Variants in ANKHD1 observed in about 807,000 individuals in gnomAD.
The protein encoded by ANKHD1 is ankyrin repeat and KH domain containing 1.
ANKHD1 carries 31 observed loss-of-function variants against 230.5 expected under a neutral mutation model. The ratio of observed to expected loss-of-function variants is 0.13; its 90% CI spans 0.10 to 0.18. The LOEUF is 0.18. ANKHD1 is among the 10% of genes least tolerant of loss of function. ANKHD1 has a pLI of 1.00. For missense variants in ANKHD1, 2,256 were observed against 3,071.3 expected (o/e 0.73, Z 6.27); for synonymous variants, 1,074 against 1,117.6 (o/e 0.96, Z 0.78).
intron 24 of ANKHD1, among the ~76,000 whole-genome samples, chr5:140,522,453 A>G (rs993322071): frequency 1.3e-5 from 2 of 152,168 alleles, no homozygotes; most frequent in Non-Finnish European, 2.9e-5. Context: ...TTCTCTCTTT[A>G]GCTTACTACG....
In ANKHD1 at chr5:140,401,861, G is replaced by A. The variant is rs912459693; in HGVS notation, c.-107G>A. ...GAGAAGTTAGTGGCGCTGCTGGGACGGGGGAAAGGAGACGCTTCTTCCTCT... is the reference window on the plus strand; with the variant it reads ...GAGAAGTTAGTGGCGCTGCTGGGACAGGGGAAAGGAGACGCTTCTTCCTCT... On this transcript the variant is annotated 5_prime_UTR_variant, in exon 1 of 34. Coordinates refer to ENST00000360839, the MANE Select transcript of ANKHD1 (RefSeq NM_017747.3). 15 of 1,415,128 alleles carry A rather than the reference G, an allele frequency of 1.1e-5. No individual in the cohort carries two copies. The Admixed American group carries it at 2.9e-4, about 28-fold the overall frequency. 87.7% of individuals were successfully genotyped at this position (1,415,128 alleles called of 1,614,324 possible).
Position 140,486,100 on chromosome 5 carries a change from T to G in ANKHD1, c.2142+368T>G, listed in dbSNP as rs571491860. ...TTTTTTTTGAGATGGAGTCTTGCTC[T>G]GTTGCCCAGGCTGGAGTGCAGTGGC... On this transcript the variant is annotated intron_variant, in intron 13 of 33. Coordinates refer to ENST00000360839, the MANE Select transcript of ANKHD1 (RefSeq NM_017747.3). 6 of 225,608 alleles carry G rather than the reference T, an allele frequency of 2.7e-5. No homozygotes were observed. The Admixed American group carries it at 3.6e-4, about 13-fold the overall frequency. The allele number at this position is 225,608 out of a possible 1,614,324, so 14.0% of individuals were successfully genotyped here.
intron 1 of ANKHD1, among the ~76,000 whole-genome samples, chr5:140,414,091 T>C (rs1326816172): frequency 1.3e-5 from 2 of 152,202 alleles, no homozygotes; most frequent in African/African-American, 4.8e-5. Context: ...TATCTGTTCA[T>C]CTGTTGATGG....
intron 22 of ANKHD1, among the ~76,000 whole-genome samples, chr5:140,510,656 C>T (rs1321956143): frequency 6.6e-6 from 1 of 152,062 alleles, no homozygotes; most frequent in Admixed American, 6.6e-5. Flanking sequence ...TCACTATAAG[C>T]AACTTGGTTG....
At chr5:140,516,458 T>G (rs569937331) in intron 24 of ANKHD1, among the ~76,000 whole-genome samples, 2 of 151,908 alleles carry the variant, frequency 1.3e-5, no homozygotes, top group African/African-American at 4.8e-5. Context: ...ACAAAGATAC[T>G]CCTCGAGAAG....
At chr5:140,482,342 A>G (rs1475471848) in intron 10 of ANKHD1, among the ~76,000 whole-genome samples, 5 of 152,162 alleles carry the variant, frequency 3.3e-5, no homozygotes, top group African/African-American at 1.2e-4. Context: ...CAAAACATTA[A>G]TATTATCTTT....
In ANKHD1 at chr5:140,441,014, C is replaced by G; in HGVS notation, c.785C>G (p.Ala262Gly). 1 of 1,608,164 alleles carries G rather than the reference C, an allele frequency of 6.2e-7. No homozygotes were observed. The stretch of plus-strand genomic sequence containing the variant: ...TTAAAGGTATTGCTTGCTATGCATG[C>G]TAATGTTGAAGATCGAGGGAATAAA... The part of the protein sequence containing the change: ...ELAQVLLAMH[A>G]NVEDRGNKGD... Residue 262 changes from alanine (A) to glycine (G), a missense_variant, in exon 5 of 34, where the codon GCT (alanine) becomes GGT (glycine). Transcript: ENST00000360839.
intron 10 of ANKHD1, among the ~76,000 whole-genome samples, chr5:140,482,015 C>G (rs953123262): frequency 3.3e-5 from 5 of 152,008 alleles, no homozygotes; most frequent in African/African-American, 1.2e-4. Context: ...CTAGAAAGAA[C>G]AATCTTTCTG....
Position 140,408,195 on chromosome 5 carries a change from A to G in ANKHD1, c.306+5922A>G, listed in dbSNP as rs180936544. ...CCATCTCAAAAAATTAGAAAATAAT[A>G]AAATTATTACAAAATAGTTACTTGT... On this transcript the variant is annotated intron_variant, in intron 1 of 33. Coordinates refer to ENST00000360839, the MANE Select transcript of ANKHD1 (RefSeq NM_017747.3). 4.6e-4 allele frequency among the ~76,000 whole-genome samples: 70 copies of G among 152,302 alleles called. 1 individual carries two copies. Among genetic ancestry groups the G allele is most frequent in the Middle Eastern group, 6.8e-3 (2 of 294 alleles).
chr5:140,441,427 A>C (rs1232574261), intron 5 of ANKHD1, among the ~76,000 whole-genome samples: 1 of 152,196 alleles, frequency 6.6e-6, no homozygotes, highest in Non-Finnish European at 1.5e-5. Context: ...CACAACATGG[A>C]TGGACCTGAA....
intron 1 of ANKHD1, among the ~76,000 whole-genome samples, chr5:140,412,533 G>A (rs1771023726): frequency 6.6e-6 from 1 of 152,100 alleles, no homozygotes; most frequent in South Asian, 2.1e-4. Flanking sequence ...AGAGTATAGG[G>A]GGAGCACTAT....
chr5:140,416,314 G>T (rs1771387346), intron 1 of ANKHD1, among the ~76,000 whole-genome samples: 1 of 152,178 alleles, frequency 6.6e-6, no homozygotes, highest in African/African-American at 2.4e-5. Context: ...GTAATGGGAT[G>T]GCTGGGTCAA....
intron 15 of ANKHD1, among the ~76,000 whole-genome samples, chr5:140,498,639 A>C (rs1293292229): frequency 6.6e-6 from 1 of 152,226 alleles, no homozygotes; most frequent in Non-Finnish European, 1.5e-5. Flanking sequence ...ATTGTGAATA[A>C]ATTCTTGTAG....
At position 140,502,092 on chromosome 5, in the gene ANKHD1, TG is replaced by T. The variant is rs544909360; in HGVS notation, c.3005-2728del. On this transcript the variant is annotated intron_variant, in intron 15 of 33. Coordinates refer to ENST00000360839, the MANE Select transcript of ANKHD1 (RefSeq NM_017747.3). ...AAGTTTAATTTGAATTATATATAGA[TG>T]TTTGTGGTAGCAGTCTGTCTTGGTC... Among the ~76,000 whole-genome samples, 70 of 151,842 alleles carry T rather than the reference TG, an allele frequency of 4.6e-4. 1 individual carries two copies. The highest frequency in any genetic ancestry group is 6.9e-3 in the Middle Eastern group (2 of 290).
chr5:140,447,388 G>A (rs774216707), intron 6 of ANKHD1, among the ~76,000 whole-genome samples: 2 of 151,636 alleles, frequency 1.3e-5, no homozygotes, highest in Non-Finnish European at 2.9e-5. Flanking sequence ...TTATTTTTTT[G>A]TAGAGATGGG....
At chr5:140,402,964 CTTTTTTTTTTTTT>C (rs56939861) in intron 1 of ANKHD1, among the ~76,000 whole-genome samples, 8 of 73,944 alleles carry the variant, frequency 1.1e-4, no homozygotes, top group African/African-American at 1.6e-4. Flanking sequence ...GAAACCTCTT[CTTTTTTTTTTTTT>C]TTTTTTTTTT....
chr5:140,477,861 C>T (rs1185914969), intron 10 of ANKHD1, among the ~76,000 whole-genome samples: 3 of 152,124 alleles, frequency 2.0e-5, no homozygotes, highest in Non-Finnish European at 4.4e-5. Context: ...CCACCCGCCT[C>T]GGCCTCCCAA....
intron 10 of ANKHD1, among the ~76,000 whole-genome samples, chr5:140,465,589 T>C (rs1044202577): frequency 6.6e-6 from 1 of 152,198 alleles, no homozygotes; most frequent in South Asian, 2.1e-4. Flanking sequence ...GAGAATTAGA[T>C]TTCTTAGTTT....
At chr5:140,417,335 A>G (rs982637948) in intron 1 of ANKHD1, among the ~76,000 whole-genome samples, 4 of 151,976 alleles carry the variant, frequency 2.6e-5, no homozygotes, top group South Asian at 2.1e-4. Flanking sequence ...CAAAGGAGCA[A>G]ATCCCAAAAG....
Sources: gnomAD v4.1 joint callset for allele counts (sites outside exome capture counted in the v4.1 genomes callset) on GRCh38, gnomAD v4.1.1 for gene constraint, MANE v1.5 for transcripts, NCBI Gene and HGNC (gene_info 2026-07-23, HGNC 2026-07-21) for gene names.